COQ8A: variants seen among roughly 807,000 people sequenced by gnomAD.
The protein encoded by COQ8A is atypical kinase COQ8A, mitochondrial.
In COQ8A, 51 loss-of-function variants were observed where a neutral mutation model predicts 65.0. That is an observed-to-expected ratio of 0.78 (90% CI 0.63 to 0.99). The LOEUF (loss-of-function observed/expected upper bound fraction) is 0.99, where lower values mean the gene tolerates loss of function less well. Among genes scored for constraint, COQ8A ranks in the 50% least tolerant of loss-of-function variants. The pLI, the probability that COQ8A is intolerant of heterozygous loss-of-function variation, is 0.00. For synonymous variants in COQ8A, 371 were observed against 353.2 expected, an observed-to-expected ratio of 1.05 and a Z score of -0.57; for missense variants, 940 against 875.0, an observed-to-expected ratio of 1.07 and a Z score of -0.94.
chr1:226,950,897 A>C (rs1657333380), intron 1 of COQ8A, among the ~76,000 whole-genome samples: 1 of 152,066 alleles, frequency 6.6e-6, no homozygotes, highest in South Asian at 2.1e-4. Flanking sequence ...GCAACTTTCA[A>C]GGGAACTTGA....
At chr1:226,960,421 T>TTGG (rs1558187471) in intron 1 of COQ8A, among the ~76,000 whole-genome samples, 5 of 135,978 alleles carry the variant, frequency 3.7e-5, no homozygotes, top group East Asian at 4.8e-4. Flanking sequence ...GCGGTGGTAC[T>TTGG]TGGTGGTGGT....
At chr1:226,951,896 A>G (rs754121171) in intron 1 of COQ8A, among the ~76,000 whole-genome samples, 47 of 152,236 alleles carry the variant, frequency 3.1e-4, no homozygotes, top group Admixed American at 9.8e-4. Context: ...AAAAGCAAGC[A>G]GTAGGACTGG....
In COQ8A at chr1:226,984,171, C is replaced by A. The variant is rs751500793; in HGVS notation, c.1334C>A (p.Thr445Lys). 7 of 1,613,736 alleles carry A rather than the reference C, an allele frequency of 4.3e-6. No individual in the cohort carries two copies. The African/African-American group carries it at 5.3e-5, about 12-fold the overall frequency. The stretch of plus-strand genomic sequence containing the variant: ...CTCTGCAGCCCACATGTGCTGACCA[C>A]AGAGCTGGTGTCTGGCTTCCCCCTG... Reference protein sequence around the residue: ...DELCSPHVLTTELVSGFPLDQ... With the variant: ...DELCSPHVLTKELVSGFPLDQ... Residue 445 changes from threonine (T) to lysine (K), a missense_variant, in exon 11 of 15, where the codon ACA (threonine) becomes AAA (lysine). By Grantham distance (78) the Thr-to-Lys change is moderately conservative (BLOSUM62 -1). Coordinates refer to ENST00000366777, the MANE Select transcript of COQ8A (RefSeq NM_020247.5).
chr1:226,960,507 G>GTGCT (rs1658169804), intron 1 of COQ8A, among the ~76,000 whole-genome samples: 2 of 79,108 alleles, frequency 2.5e-5, no homozygotes, highest in Non-Finnish European at 5.1e-5. Context: ...GTGGTGCTTG[G>GTGCT]TGGTGGTGGT....
chr1:226,979,456 G>C (rs1320972801), intron 5 of COQ8A, among the ~76,000 whole-genome samples: 1 of 152,212 alleles, frequency 6.6e-6, no homozygotes. Context: ...GCAGTGCCAA[G>C]GGAACCGTCT....
Position 226,983,008 on chromosome 1 carries a change from G to C in COQ8A, c.1054G>C (p.Gly352Arg). Reference sequence around the variant, plus strand: ...GGTGCACTTGGCCCGAATGAAGGGCGGCCGCGAGGTGGCCATGAAGATCCA... The same window carrying C: ...GGTGCACTTGGCCCGAATGAAGGGCCGCCGCGAGGTGGCCATGAAGATCCA... ...GQVHLARMKG[G>R]REVAMKIQYP... Residue 352 changes from glycine (G) to arginine (R), a missense_variant, in exon 8 of 15, where the codon GGC becomes CGC. Transcript: ENST00000366777. 6.3e-7 allele frequency: 1 copy of C among 1,593,572 alleles called. No homozygotes were observed. Among genetic ancestry groups the C allele is most frequent in the Non-Finnish European group, 8.5e-7 (1 of 1,171,038 alleles).
chr1:226,983,418 T>TAGCTCTGGTTCTC (rs1659838227), intron 8 of COQ8A, 134 bp from the exon 9 acceptor site: 4 of 849,816 alleles, frequency 4.7e-6, no homozygotes, highest in Non-Finnish European at 7.7e-6. Context: ...GGCTGGGTCT[T>TAGCTCTGGTTCTC]AGCTCTGGTT....
intron 1 of COQ8A, among the ~76,000 whole-genome samples, chr1:226,956,846 T>C (rs1296482401): frequency 4.2e-4 from 42 of 100,864 alleles, no homozygotes; most frequent in African/African-American, 1.1e-3. Flanking sequence ...TCCCTGGCTC[T>C]CACTCTCCCT....
At chr1:226,961,274 C>G in intron 1 of COQ8A, 103 bp from the exon 2 acceptor site, 1 of 1,301,052 alleles carries the variant, frequency 7.7e-7, no homozygotes, top group Non-Finnish European at 1.1e-6. Context: ...GTGGAAAAAC[C>G]AGCCCTCTGG....
chr1:226,983,094 C>A, intron 8 of COQ8A, 60 bp downstream of exon 8: 1 of 1,537,850 alleles, frequency 6.5e-7, no homozygotes, highest in Non-Finnish European at 8.8e-7. Flanking sequence ...AGAGCTGGGG[C>A]CTGGCTCATG....
intron 2 of COQ8A, 39 bp downstream of exon 2, chr1:226,961,601 G>T: frequency 6.3e-7 from 1 of 1,584,936 alleles, no homozygotes; most frequent in Non-Finnish European, 8.6e-7. Context: ...CTGGCAGGAA[G>T]AGGGTGGGAC....
At chr1:226,952,592 G>A (rs1329961563) in intron 1 of COQ8A, among the ~76,000 whole-genome samples, 2 of 151,950 alleles carry the variant, frequency 1.3e-5, no homozygotes, top group African/African-American at 4.8e-5. Flanking sequence ...TTTTTTGTTT[G>A]TAGAGATGGG....
Position 226,984,817 on chromosome 1 carries a change from C to T in COQ8A, c.1507-59C>T, listed in dbSNP as rs1317490. ...CCTCTGTTGCACCCCCTTCCCGGCC[C>T]CACACACCCGCACCATGGAGCACCA... On this transcript the variant is annotated intron_variant, in intron 12 of 14. Transcript: ENST00000366777. 0.24 allele frequency: 379,870 copies of T among 1,584,162 alleles called. 49,965 individuals carry two copies. The highest frequency in any genetic ancestry group is 0.28 in the Non-Finnish European group (317,555 of 1,153,560).
intron 14 of COQ8A, 118 bp downstream of exon 14, chr1:226,985,458 T>C: frequency 8.6e-7 from 1 of 1,157,970 alleles, no homozygotes; most frequent in Non-Finnish European, 1.3e-6. Flanking sequence ...AGCCCGGGCC[T>C]CCTTGGGCAC....
intron 5 of COQ8A, among the ~76,000 whole-genome samples, chr1:226,980,574 G>A (rs545220729): frequency 6.6e-6 from 1 of 152,256 alleles, no homozygotes; most frequent in South Asian, 2.1e-4. Context: ...TGGTGCTGGC[G>A]TCTGCTGCTG....
intron 12 of COQ8A, 65 bp downstream of exon 12, chr1:226,984,720 G>A (rs562782701): frequency 1.0e-4 from 156 of 1,528,274 alleles, no homozygotes; most frequent in Non-Finnish European, 1.3e-4. Context: ...GGCACGTGAG[G>A]CCCTGGACTG....
At chr1:226,967,782 G>T (rs1658653278) in intron 4 of COQ8A, among the ~76,000 whole-genome samples, 1 of 152,224 alleles carries the variant, frequency 6.6e-6, no homozygotes, top group African/African-American at 2.4e-5. Context: ...CCTGCCTGAT[G>T]TACGGAGCCA....
At chr1:226,962,001 C>G (rs1389417487) in intron 2 of COQ8A, among the ~76,000 whole-genome samples, 1 of 152,188 alleles carries the variant, frequency 6.6e-6, no homozygotes, top group African/African-American at 2.4e-5. Context: ...TTAATTACTT[C>G]CCAAAGGCCC....
chr1:226,981,683 C>T (rs1659699451), intron 5 of COQ8A, among the ~76,000 whole-genome samples: 1 of 152,214 alleles, frequency 6.6e-6, no homozygotes, highest in African/African-American at 2.4e-5. Context: ...CCTCTTGGTT[C>T]CCACTCCCAC....
Sources: allele counts gnomAD v4.1 joint callset (sites outside exome capture counted in the v4.1 genomes callset), GRCh38; gene constraint gnomAD v4.1.1; transcripts MANE v1.5; gene names NCBI Gene and HGNC (gene_info 2026-07-23, HGNC 2026-07-21).